Variants in INO80E observed in about 807,000 individuals in gnomAD.
The protein encoded by INO80E is coiled-coil domain containing 95.
Under a neutral mutation model 27.3 loss-of-function variants are expected in INO80E, and 20 were observed. The ratio of observed to expected loss-of-function variants is 0.73; its 90% CI spans 0.51 to 1.06. The LOEUF (loss-of-function observed/expected upper bound fraction) is 1.06, where lower values mean the gene tolerates loss of function less well. Among genes scored for constraint, INO80E ranks in the 50% least tolerant of loss-of-function variants. The pLI is 0.00. For missense variants in INO80E, 357 were observed against 322.8 expected (o/e 1.11, Z -0.81); for synonymous variants, 167 against 145.9 (o/e 1.14, Z -1.04).
Position 29,996,829 on chromosome 16 carries a change from G to A in INO80E, c.174G>A (p.Leu58=). 1 of 1,614,160 alleles carries A rather than the reference G, an allele frequency of 6.2e-7. No individual in the cohort carries two copies. Among genetic ancestry groups the A allele is most frequent in the Non-Finnish European group, 8.5e-7 (1 of 1,180,018 alleles). Residue 58 remains leucine (L), a synonymous_variant, in exon 3 of 7, where the codon CTG becomes CTA. Transcript: ENST00000563197. ...TCAGTTTCCTCCTAGACCGACTTCT[G>A]CAGTACGAGAACGTGGATGAAGACT... ...RDKSFLLDRL[L]QYENVDEDSS...
intron 3 of INO80E, chr16:29,999,503 T>A (rs950972597): frequency 2.0e-5 from 3 of 152,256 alleles, no homozygotes; most frequent in African/African-American, 7.2e-5. Context: ...AGCCTGCAGT[T>A]AACTGGGCTT....
At position 29,998,768 on chromosome 16, in the gene INO80E, G is replaced by A. The variant is rs117184045; in HGVS notation, c.205+1908G>A. Among the ~76,000 whole-genome samples, 351 of 152,220 alleles carry A rather than the reference G, an allele frequency of 2.3e-3. 10 individuals are homozygous for A. In the East Asian group the frequency reaches 0.049, roughly 21 times the overall value. On this transcript the variant is annotated intron_variant, in intron 3 of 6. Transcript: ENST00000563197. ...GTGCCTTTAAACATTGGTCTGGGCC[G>A]GGCACGGTGGCTCACGCTTGTAATC...
At chr16:30,000,697 A>G in intron 3 of INO80E, 61 bp from the exon 4 acceptor site, 1 of 1,407,564 alleles carries the variant, frequency 7.1e-7, no homozygotes, top group Non-Finnish European at 1.0e-6. Flanking sequence ...AGAGGAGGTT[A>G]TACCTTTCTG....
chr16:30,004,077 G>A (rs970980307), intron 6 of INO80E: 1 of 152,384 alleles, frequency 6.6e-6, no homozygotes, highest in Non-Finnish European at 1.5e-5. Flanking sequence ...ACTCAGAAGG[G>A]CCACTGGAGA....
chr16:30,000,200 C>A (rs553903448), intron 3 of INO80E, among the ~76,000 whole-genome samples: 5 of 152,024 alleles, frequency 3.3e-5, no homozygotes, highest in Non-Finnish European at 7.4e-5. Context: ...GGGAAAGAGC[C>A]TGGCACCCTG....
At chr16:30,001,764 C>T in intron 6 of INO80E, 1 of 506,854 alleles carries the variant, frequency 2.0e-6, no homozygotes. Flanking sequence ...GGATCCCGCC[C>T]TTTCATGGCT....
At chr16:29,997,507 A>G (rs1172312256) in intron 3 of INO80E, among the ~76,000 whole-genome samples, 1 of 152,038 alleles carries the variant, frequency 6.6e-6, no homozygotes, top group East Asian at 1.9e-4. Context: ...TGTAATCCCA[A>G]CACTTTGGGA....
Position 29,996,376 on chromosome 16 carries a change from C to T in INO80E, c.66C>T (p.Leu22=). The change falls in exon 1 of 7, where the codon CTC becomes CTT. Residue 22 remains leucine (L), a synonymous_variant. Transcript: ENST00000563197. ...KKKYRNLKRK[L]KFLIYEHECF... is the part of the protein sequence containing the mutation. ...AATACCGGAATCTGAAGCGGAAGCT[C>T]AAGTTCCTCATCTACGTGAGTGCTG... 2 of 1,593,654 alleles carry T rather than the reference C, an allele frequency of 1.3e-6. No individual in the cohort carries two copies. The highest frequency in any genetic ancestry group is 1.3e-5 in the African/African-American group (1 of 74,656).
intron 4 of INO80E, 32 bp from the exon 5 acceptor site, chr16:30,000,897 C>G: frequency 6.2e-7 from 1 of 1,610,466 alleles, no homozygotes; most frequent in South Asian, 1.1e-5. Flanking sequence ...GGGCTCCTAG[C>G]CACATCTGAC....
In INO80E at chr16:30,005,307, G is replaced by GAC. The variant is rs1567274192; in HGVS notation, c.601_602dup (p.Leu203ProfsTer13). On this transcript the variant is annotated frameshift_variant, in exon 7 of 7. Transcript: ENST00000563197. LOFTEE classifies it high-confidence loss of function. ...CTGGGGCTGGGGTCGGGACAACCCTGACCCCCCTCCCACCCCCTAAGATGC... is the reference window on the plus strand; with the variant it reads ...CTGGGGCTGGGGTCGGGACAACCCTGACACCCCCCTCCCACCCCCTAAGATGC... 1.4e-5 allele frequency: 20 copies of GAC among 1,387,146 alleles called. No homozygotes were observed. The highest frequency in any genetic ancestry group is 1.2e-4 in the South Asian group (7 of 59,512). 85.9% of individuals were successfully genotyped at this position (1,387,146 alleles called of 1,614,324 possible). A position where few individuals can be genotyped will look rare whatever the true frequency, so the allele number is the denominator to read the frequency against.
intron 6 of INO80E, among the ~76,000 whole-genome samples, chr16:30,005,005 C>T (rs1355202076): frequency 2.0e-5 from 3 of 152,156 alleles, no homozygotes; most frequent in Admixed American, 1.3e-4. Flanking sequence ...ACACCCCCAT[C>T]CCCTCATCTC....
chr16:29,998,860 AT>A (rs1232964842), intron 3 of INO80E, among the ~76,000 whole-genome samples: 3 of 152,208 alleles, frequency 2.0e-5, no homozygotes, highest in African/African-American at 7.2e-5. Flanking sequence ...CCTGGCTAAC[AT>A]GGTGAAACCC....
At chr16:30,002,902 G>C (rs866729962) in intron 6 of INO80E, 1 of 152,356 alleles carries the variant, frequency 6.6e-6, no homozygotes, top group Non-Finnish European at 1.5e-5. Flanking sequence ...ATGAGAGGCC[G>C]CATTTGCGGT....
chr16:29,999,039 C>T (rs1279419984), intron 3 of INO80E, among the ~76,000 whole-genome samples: 4 of 150,020 alleles, frequency 2.7e-5, no homozygotes, highest in Non-Finnish European at 4.4e-5. Context: ...AGCAAGACTC[C>T]GTCTCAAAAA....
intron 3 of INO80E, chr16:29,999,639 C>T (rs1484896238): frequency 6.6e-6 from 1 of 152,166 alleles, no homozygotes; most frequent in Non-Finnish European, 1.5e-5. Context: ...GAAAGATGGC[C>T]CTTCTAGGCA....
At chr16:30,000,145 C>T (rs1390729019) in intron 3 of INO80E, among the ~76,000 whole-genome samples, 3 of 152,146 alleles carry the variant, frequency 2.0e-5, no homozygotes, top group East Asian at 1.9e-4. Flanking sequence ...AGGTGCTGCC[C>T]TTCCCATCCT....
In INO80E at chr16:30,001,268, C is replaced by CCCGGCA. The variant is rs1372180638; in HGVS notation, c.397-141_397-140insACCGGC. 4 of 1,490,244 alleles carry CCCGGCA rather than the reference C, an allele frequency of 2.7e-6. No homozygotes were observed. The Admixed American group carries it at 8.8e-5, about 33-fold the overall frequency. 92.3% of individuals were successfully genotyped at this position (1,490,244 alleles called of 1,614,324 possible). A position where few individuals can be genotyped will look rare whatever the true frequency, so the allele number is the denominator to read the frequency against. ...AGCCCAGGACAGCATCCTGCTGCTG[C>CCCGGCA]CCGGCCCTTCTGTGCTCGGGAGCCC... On this transcript the variant is annotated intron_variant, in intron 5 of 6. Transcript: ENST00000563197.
At position 30,003,908 on chromosome 16, in the gene INO80E, G is replaced by A. The variant is rs1292641847; in HGVS notation, c.514-1313G>A. ...TGTGGGGGCCTGGTGCAGGGCGTGG[G>A]GGTGCTGTTCAGAGTTGGACCCCCC... is the stretch of plus-strand genomic sequence containing the variant. On this transcript the variant is annotated intron_variant, in intron 6 of 6. Coordinates refer to ENST00000563197, the MANE Select transcript of INO80E (RefSeq NM_173618.3). This position sits in a 1 kb window ranked among gnomAD's most constrained non-coding sequence, Gnocchi z 4.4. The A allele has an allele frequency of 6.6e-6, 1 of 152,494 alleles. No homozygotes were observed. Among genetic ancestry groups the A allele is most frequent in the Non-Finnish European group, 1.5e-5 (1 of 68,332 alleles). The allele number at this position is 152,494 out of a possible 1,614,324, so 9.4% of individuals were successfully genotyped here. A position where few individuals can be genotyped will look rare whatever the true frequency, so the allele number is the denominator to read the frequency against.
At position 30,005,591 on chromosome 16, in the gene INO80E, G is replaced by C; in HGVS notation, c.*149G>C. On this transcript the variant is annotated 3_prime_UTR_variant, in exon 7 of 7. Transcript: ENST00000563197. The stretch of plus-strand genomic sequence containing the variant: ...AACCAGAAAAGGCGTAAACATGCAC[G>C]GGTGTCCCCCAGGAGGGTGGCAGGG... 1 of 776,834 alleles carries C rather than the reference G, an allele frequency of 1.3e-6. No individual in the cohort carries two copies. The allele number at this position is 776,834 out of a possible 1,614,324, so 48.1% of individuals were successfully genotyped here. A position where few individuals can be genotyped will look rare whatever the true frequency, so the allele number is the denominator to read the frequency against.
Sources: gnomAD v4.1 joint callset for allele counts (sites outside exome capture counted in the v4.1 genomes callset) on GRCh38, gnomAD v4.1.1 for gene constraint, Gnocchi (gnomAD v3.1) non-coding constraint, MANE v1.5 for transcripts, NCBI Gene and HGNC (gene_info 2026-07-23, HGNC 2026-07-21) for gene names.